The following TRPM3 variants were observed in gnomAD, a reference collection of about 807,000 sequenced individuals.
TRPM3 encodes long transient receptor potential channel 3.
In TRPM3, 77 loss-of-function variants were observed where a neutral mutation model predicts 181.2. The observed-to-expected ratio is 0.42, with a 90% confidence interval of 0.35 to 0.51. The LOEUF (loss-of-function observed/expected upper bound fraction) is 0.51. Among genes scored for constraint, TRPM3 ranks in the 20% least tolerant of loss-of-function variants. TRPM3 has a pLI of 0.01. For missense variants in TRPM3, 1,759 were observed against 2,196.7 expected (o/e 0.80, Z 3.98); for synonymous variants, 745 against 796.4 (o/e 0.94, Z 1.09).
intron 1 of TRPM3, among the ~76,000 whole-genome samples, chr9:71,181,767 G>A (rs2077418480): frequency 6.6e-6 from 1 of 152,088 alleles, no homozygotes; most frequent in Admixed American, 6.6e-5. Context: ...CACATGGGAT[G>A]TTATGACTGG....
At chr9:71,432,323 CTTTTTTT>C (rs67905820) in intron 1 of TRPM3, among the ~76,000 whole-genome samples, 15,498 of 77,628 alleles carry the variant, frequency 0.2, 1,043 homozygotes, top group East Asian at 0.31. Flanking sequence ...AAAAGTAGGA[CTTTTTTT>C]TTTTTTTTTT....
At chr9:71,119,428 A>T (rs963422731) in intron 1 of TRPM3, among the ~76,000 whole-genome samples, 1 of 152,162 alleles carries the variant, frequency 6.6e-6, no homozygotes, top group Admixed American at 6.5e-5. Flanking sequence ...TCAGTTAAAA[A>T]AGATGACAGA....
Position 70,536,389 on chromosome 9 carries a change from G to C in TRPM3, c.4724C>G (p.Ala1575Gly), listed in dbSNP as rs778006412. The C allele has an allele frequency of 5.0e-6, 8 of 1,613,954 alleles. No homozygotes were observed. In the African/African-American group the frequency reaches 6.7e-5, roughly 13 times the overall value. Residue 1575 changes from alanine to glycine, a missense_variant, in exon 26 of 26, where the codon GCG (alanine) becomes GGG (glycine). Transcript: ENST00000677713. ...ACCTCCAGGGAAGGCAGCTCTGTCCGCAATTGCTTGAGGGGCATTGACACA... is the reference window on the plus strand; with the variant it reads ...ACCTCCAGGGAAGGCAGCTCTGTCCCCAATTGCTTGAGGGGCATTGACACA... ...TRCVNAPQAIADRAAFPGGLG... is the reference protein window; with the variant it reads ...TRCVNAPQAIGDRAAFPGGLG...
intron 6 of TRPM3, among the ~76,000 whole-genome samples, chr9:70,799,771 C>T (rs1024495178): frequency 6.6e-6 from 1 of 152,164 alleles, no homozygotes; most frequent in Non-Finnish European, 1.5e-5. Flanking sequence ...GCTACAGACC[C>T]ATCTTTCTTC....
At chr9:71,327,102 G>A (rs2132507170) in intron 1 of TRPM3, among the ~76,000 whole-genome samples, 1 of 152,332 alleles carries the variant, frequency 6.6e-6, no homozygotes, top group East Asian at 1.9e-4. Flanking sequence ...TAGTTGGTAG[G>A]ATCTGCTGTT....
At chr9:71,379,953 T>C (rs2092759679) in intron 1 of TRPM3, among the ~76,000 whole-genome samples, 1 of 152,036 alleles carries the variant, frequency 6.6e-6, no homozygotes, top group Non-Finnish European at 1.5e-5. Context: ...TCTTAACCAC[T>C]ATGCATTGCC....
intron 1 of TRPM3, among the ~76,000 whole-genome samples, chr9:71,162,767 G>A (rs1176067048): frequency 6.6e-6 from 1 of 152,148 alleles, no homozygotes; most frequent in Non-Finnish European, 1.5e-5. Flanking sequence ...AAAGTGAATA[G>A]AATTTGGACT....
chr9:71,253,987 T>C (rs1006457289), intron 1 of TRPM3, among the ~76,000 whole-genome samples: 1 of 152,204 alleles, frequency 6.6e-6, no homozygotes. Flanking sequence ...TGGTGCGATC[T>C]TGGCTCACTG....
At chr9:71,095,470 A>G (rs1003391224) in intron 1 of TRPM3, among the ~76,000 whole-genome samples, 2 of 152,076 alleles carry the variant, frequency 1.3e-5, no homozygotes, top group African/African-American at 2.4e-5. Context: ...CCTCTTAAAG[A>G]ATTTGAGGCC....
At chr9:70,646,895 T>C (rs2058952832) in intron 9 of TRPM3, among the ~76,000 whole-genome samples, 1 of 139,194 alleles carries the variant, frequency 7.2e-6, no homozygotes, top group South Asian at 2.3e-4. Flanking sequence ...AAAAAAACCC[T>C]CAGAGTCTAT....
intron 1 of TRPM3, among the ~76,000 whole-genome samples, chr9:70,893,982 T>A (rs1425810102): frequency 1.3e-5 from 2 of 152,186 alleles, no homozygotes; most frequent in Non-Finnish European, 2.9e-5. Context: ...AAGGATTTAC[T>A]CCACATATGG....
At chr9:71,312,937 G>A (rs1456312460) in intron 1 of TRPM3, among the ~76,000 whole-genome samples, 2 of 152,130 alleles carry the variant, frequency 1.3e-5, no homozygotes, top group Admixed American at 6.6e-5. Flanking sequence ...TTTTTGGGCA[G>A]TGAAATTGCT....
intron 1 of TRPM3, among the ~76,000 whole-genome samples, chr9:70,868,614 G>A (rs1223424409): frequency 1.3e-5 from 2 of 151,912 alleles, no homozygotes; most frequent in Admixed American, 6.6e-5. Flanking sequence ...CACACACACA[G>A]GGTATATTAA....
chr9:71,251,846 C>T (rs965744371), intron 1 of TRPM3, among the ~76,000 whole-genome samples: 3 of 151,974 alleles, frequency 2.0e-5, no homozygotes, highest in African/African-American at 7.2e-5. Flanking sequence ...TTCTCCTGCC[C>T]CCACCCTCCC....
Position 71,121,568 on chromosome 9 carries a change from G to A in TRPM3, c.-214C>T. ...GGGATGCACGATTTTGAAGAAGAGGGACAGCCTGCACAAAACAGCCTGTGG... is the reference window on the plus strand; with the variant it reads ...GGGATGCACGATTTTGAAGAAGAGGAACAGCCTGCACAAAACAGCCTGTGG... On this transcript the variant is annotated 5_prime_UTR_variant, in exon 1 of 26. Transcript: ENST00000677713. 1 of 1,366,670 alleles carries A rather than the reference G, an allele frequency of 7.3e-7. No homozygotes were observed. The highest frequency in any genetic ancestry group is 1.9e-5 in the South Asian group (1 of 52,856). The allele number at this position is 1,366,670 out of a possible 1,614,324, so 84.7% of individuals were successfully genotyped here. A position where few individuals can be genotyped will look rare whatever the true frequency, so the allele number is the denominator to read the frequency against.
intron 12 of TRPM3, among the ~76,000 whole-genome samples, chr9:70,627,102 CT>C (rs11299283): frequency 0.57 from 86,717 of 151,728 alleles, 25,220 homozygotes; most frequent in East Asian, 0.73. Context: ...TAGCCACAAT[CT>C]TGTTAGTCAT....
At chr9:70,777,296 C>A (rs139968938) in intron 7 of TRPM3, among the ~76,000 whole-genome samples, 1 of 152,108 alleles carries the variant, frequency 6.6e-6, no homozygotes, top group East Asian at 1.9e-4. Flanking sequence ...TGGAGCTGAG[C>A]AATTATAAAG....
At chr9:70,609,436 T>C (rs551060138) in intron 19 of TRPM3, among the ~76,000 whole-genome samples, 4 of 152,360 alleles carry the variant, frequency 2.6e-5, no homozygotes, top group African/African-American at 9.6e-5. Context: ...ATTTCGATAA[T>C]ATCCTATCTT....
chr9:70,784,404 A>G, intron 6 of TRPM3, 125 bp from the exon 7 acceptor site: 3 of 1,029,664 alleles, frequency 2.9e-6, no homozygotes, highest in Non-Finnish European at 4.1e-6. Context: ...AGGTAGCAAC[A>G]TATGAAGGGA....
Sources: gnomAD v4.1 joint callset for allele counts (sites outside exome capture counted in the v4.1 genomes callset) on GRCh38, gnomAD v4.1.1 for gene constraint, MANE v1.5 for transcripts, NCBI Gene and HGNC (gene_info 2026-07-23, HGNC 2026-07-21) for gene names.